TBC1D15: variants seen among roughly 807,000 people sequenced by gnomAD.
TBC1D15 encodes the protein GAP for RAB7.
TBC1D15 carries 39 observed loss-of-function variants against 95.4 expected under a neutral mutation model. That is an observed-to-expected ratio of 0.41 (90% CI 0.32 to 0.53). The LOEUF is 0.53. Ranked by LOEUF, TBC1D15 falls within the 20% of genes least tolerant of loss-of-function variation. The pLI, the probability that TBC1D15 is intolerant of heterozygous loss-of-function variation, is 0.29. For synonymous variants in TBC1D15, 258 were observed against 261.3 expected, an observed-to-expected ratio of 0.99 and a Z score of 0.12; for missense variants, 733 against 794.3, an observed-to-expected ratio of 0.92 and a Z score of 0.93.
intron 11 of TBC1D15, 98 bp downstream of exon 11, chr12:71,907,236 C>A: frequency 3.0e-6 from 2 of 663,420 alleles, no homozygotes; most frequent in South Asian, 2.7e-5. Context: ...GCTTTGTAGG[C>A]CTAGTTTTAA....
intron 1 of TBC1D15, among the ~76,000 whole-genome samples, chr12:71,865,025 A>G (rs1392427156): frequency 2.0e-5 from 3 of 152,076 alleles, no homozygotes; most frequent in African/African-American, 7.2e-5. Flanking sequence ...TTTCCTCACA[A>G]CAGGAGACTT....
At chr12:71,895,494 A>G (rs1897992021) in intron 7 of TBC1D15, among the ~76,000 whole-genome samples, 1 of 152,104 alleles carries the variant, frequency 6.6e-6, no homozygotes, top group Non-Finnish European at 1.5e-5. Flanking sequence ...GAGTGAAGCT[A>G]GTGGGTCATG....
chr12:71,918,600 A>G (rs1868258326), intron 14 of TBC1D15, 52 bp downstream of exon 14: 1 of 1,216,124 alleles, frequency 8.2e-7, no homozygotes, highest in Admixed American at 2.1e-5. Context: ...AAAAGAAACA[A>G]TTTATTCTGT....
At chr12:71,922,050 A>G (rs1028316887) in intron 16 of TBC1D15, among the ~76,000 whole-genome samples, 1 of 151,984 alleles carries the variant, frequency 6.6e-6, no homozygotes, top group Non-Finnish European at 1.5e-5. Context: ...AGTAGCTGGG[A>G]TTACCAGTGC....
chr12:71,859,350 C>T (rs1163214474), intron 1 of TBC1D15, among the ~76,000 whole-genome samples: 1 of 151,944 alleles, frequency 6.6e-6, no homozygotes, highest in Non-Finnish European at 1.5e-5. Context: ...ATATTAAACC[C>T]TTGTTGGATG....
At chr12:71,912,856 A>G (rs1266333471) in intron 11 of TBC1D15, among the ~76,000 whole-genome samples, 2 of 152,140 alleles carry the variant, frequency 1.3e-5, no homozygotes, top group Non-Finnish European at 2.9e-5. Context: ...GTTTAAGTAA[A>G]AAGGCTTAGT....
At chr12:71,845,410 C>T (rs573372446) in intron 1 of TBC1D15, among the ~76,000 whole-genome samples, 4 of 152,150 alleles carry the variant, frequency 2.6e-5, no homozygotes, top group Admixed American at 1.3e-4. Flanking sequence ...GGAGAAGGTT[C>T]GAGGGACTTA....
intron 4 of TBC1D15, among the ~76,000 whole-genome samples, chr12:71,881,911 C>A (rs1390033269): frequency 1.7e-5 from 2 of 116,914 alleles, no homozygotes; most frequent in East Asian, 5.2e-4. Context: ...AGCAAGACTC[C>A]GTCTCAAAAA....
chr12:71,908,311 T>C (rs1901307277), intron 11 of TBC1D15, among the ~76,000 whole-genome samples: 1 of 152,216 alleles, frequency 6.6e-6, no homozygotes, highest in Admixed American at 6.5e-5. Context: ...ACCAACAGCT[T>C]GTCTAACCAT....
At chr12:71,911,615 G>T (rs866503279) in intron 11 of TBC1D15, among the ~76,000 whole-genome samples, 4 of 118,442 alleles carry the variant, frequency 3.4e-5, no homozygotes, top group South Asian at 5.9e-4. Context: ...ACACTCTGGG[G>T]ACTGTTGTGG....
intron 11 of TBC1D15, among the ~76,000 whole-genome samples, chr12:71,909,029 T>C (rs574980700): frequency 9.8e-5 from 15 of 152,330 alleles, no homozygotes; most frequent in African/African-American, 3.4e-4. Context: ...CAGATGGTAA[T>C]TTTGAGATAG....
At chr12:71,883,969 A>T (rs1436540161) in intron 4 of TBC1D15, among the ~76,000 whole-genome samples, 1 of 152,166 alleles carries the variant, frequency 6.6e-6, no homozygotes, top group Non-Finnish European at 1.5e-5. Context: ...TTTCGCTTCT[A>T]TAAAGAGGCC....
intron 5 of TBC1D15, among the ~76,000 whole-genome samples, chr12:71,886,078 G>A (rs1177341473): frequency 2.0e-5 from 3 of 152,180 alleles, no homozygotes; most frequent in Non-Finnish European, 2.9e-5. Context: ...CAGGAAAGAT[G>A]GAAGTATTGG....
chr12:71,865,235 C>T (rs1356874622), intron 1 of TBC1D15, among the ~76,000 whole-genome samples: 2 of 152,158 alleles, frequency 1.3e-5, no homozygotes, highest in Non-Finnish European at 1.5e-5. Context: ...TGTAGGTTGC[C>T]CACAGAGCCA....
chr12:71,899,252 G>C (rs569587442), intron 10 of TBC1D15, among the ~76,000 whole-genome samples: 23 of 152,228 alleles, frequency 1.5e-4, no homozygotes, highest in Admixed American at 1.4e-3. Context: ...GGAAAATTTA[G>C]ATATTTAAAG....
chr12:71,878,066 T>G (rs567101314), intron 3 of TBC1D15, among the ~76,000 whole-genome samples: 1 of 152,308 alleles, frequency 6.6e-6, no homozygotes, highest in Admixed American at 6.5e-5. Context: ...CACGTCTTTT[T>G]GGGCTAGTAG....
chr12:71,861,474 T>C lies in TBC1D15; in HGVS notation c.31-10596T>C, dbSNP rs941230342. ...CCAGGACTTTATCCATACTCCAGTT[T>C]GTTGGAGTATGGTAGGAGTATGGTA... On this transcript the variant is annotated intron_variant, in intron 1 of 16. Coordinates refer to ENST00000485960, the MANE Select transcript of TBC1D15 (RefSeq NM_001146213.3). The C allele has an allele frequency of 3.3e-6, 5 of 1,536,694 alleles. No homozygotes were observed. In the African/African-American group the frequency reaches 5.5e-5, roughly 17 times the overall value.
intron 3 of TBC1D15, among the ~76,000 whole-genome samples, chr12:71,873,259 G>T (rs1893065544): frequency 6.6e-6 from 1 of 151,948 alleles, no homozygotes. Context: ...TCTACTTTCT[G>T]TCTCTAAGGA....
chr12:71,911,348 C>T (rs1902246068), intron 11 of TBC1D15, among the ~76,000 whole-genome samples: 1 of 151,922 alleles, frequency 6.6e-6, no homozygotes, highest in Admixed American at 6.6e-5. Flanking sequence ...GCACTATTCA[C>T]AATAGCAAAG....
Sources: allele counts gnomAD v4.1 joint callset (sites outside exome capture counted in the v4.1 genomes callset), GRCh38; gene constraint gnomAD v4.1.1; transcripts MANE v1.5; gene names NCBI Gene and HGNC (gene_info 2026-07-23, HGNC 2026-07-21).